HACL1: variants seen among roughly 807,000 people sequenced by gnomAD.
HACL1 encodes 2-hydroxyacyl-CoA lyase 1.
A neutral mutation model predicts 74.2 loss-of-function variants in HACL1; 64 were observed. The observed-to-expected ratio is 0.86, with a 90% CI of 0.70 to 1.06. HACL1 has a LOEUF of 1.06. Among genes scored for constraint, HACL1 ranks in the 50% least tolerant of loss-of-function variants. HACL1 has a pLI of 0.00. For missense variants in HACL1, 728 were observed against 719.7 expected, an observed-to-expected ratio of 1.01 and a Z score of -0.13; for synonymous variants, 230 against 238.8, an observed-to-expected ratio of 0.96 and a Z score of 0.34.
In HACL1 at chr3:15,587,903, T is replaced by G. The variant is rs773073728; in HGVS notation, c.382-1301A>C. On this transcript the variant is annotated intron_variant, in intron 5 of 16. Coordinates refer to ENST00000321169, the MANE Select transcript of HACL1 (RefSeq NM_012260.4). ...TTGTCTAATGATTTTATTTATGTAT[T>G]TATTTTTGAGATGGAGTTTCACTCT... Among the ~76,000 whole-genome samples, 31 of 152,334 alleles carry G rather than the reference T, an allele frequency of 2.0e-4. 1 individual carries two copies. The highest frequency in any genetic ancestry group is 1.2e-3 in the South Asian group (6 of 4,830).
At chr3:15,574,713 A>C (rs1440724826) in intron 10 of HACL1, among the ~76,000 whole-genome samples, 2 of 152,214 alleles carry the variant, frequency 1.3e-5, no homozygotes, top group Non-Finnish European at 2.9e-5. Context: ...TTGTGAATAA[A>C]AGACAAATTA....
chr3:15,584,912 A>G (rs1157190903), intron 7 of HACL1, among the ~76,000 whole-genome samples: 2 of 152,164 alleles, frequency 1.3e-5, no homozygotes, highest in Non-Finnish European at 2.9e-5. Flanking sequence ...CTTTTTAATA[A>G]TCACCCAACC....
chr3:15,598,409 T>C (rs9839032), intron 2 of HACL1, among the ~76,000 whole-genome samples: 73,047 of 152,022 alleles, frequency 0.48, 21,044 homozygotes, highest in African/African-American at 0.79. Context: ...ACTTAGAGAG[T>C]GGACTCTCGA....
intron 16 of HACL1, among the ~76,000 whole-genome samples, chr3:15,562,099 A>C (rs1402069809): frequency 6.6e-6 from 1 of 152,218 alleles, no homozygotes; most frequent in African/African-American, 2.4e-5. Context: ...GTATAAACCT[A>C]GTTATAAATC....
intron 12 of HACL1, among the ~76,000 whole-genome samples, chr3:15,569,717 T>C (rs2063492164): frequency 6.6e-6 from 1 of 151,262 alleles, no homozygotes; most frequent in Non-Finnish European, 1.5e-5. Flanking sequence ...CTACTCGGGA[T>C]GCTGAGGCAG....
In HACL1 at chr3:15,560,870, T is replaced by A; in HGVS notation, c.1732A>T (p.Met578Leu). ...CCACCAACTGGCGTCTTTATTTACATATTAGAGCGGGTCAGCCAATGAAAA... is the reference window on the plus strand; with the variant it reads ...CCACCAACTGGCGTCTTTATTTACAAATTAGAGCGGGTCAGCCAATGAAAA... ...QDFHWLTRSN[M>L] The change falls in exon 17 of 17, where the codon ATG becomes TTG. Residue 578 changes from methionine to leucine, a missense_variant. Met to Leu is a conservative substitution (Grantham distance 15). Coordinates refer to ENST00000321169, the MANE Select transcript of HACL1 (RefSeq NM_012260.4). 3 of 1,605,594 alleles carry A rather than the reference T, an allele frequency of 1.9e-6. No homozygotes were observed. Among genetic ancestry groups the A allele is most frequent in the Non-Finnish European group, 2.6e-6 (3 of 1,173,372 alleles).
intron 3 of HACL1, among the ~76,000 whole-genome samples, chr3:15,593,116 T>TAC (rs759760545): frequency 7.1e-6 from 1 of 140,798 alleles, no homozygotes; most frequent in African/African-American, 2.9e-5. Flanking sequence ...TGTGTATATA[T>TAC]ACACACACAT....
At chr3:15,592,060 ATATACGTATATACG>A (rs200016644) in intron 3 of HACL1, among the ~76,000 whole-genome samples, 7,037 of 29,044 alleles carry the variant, frequency 0.24, 464 homozygotes, top group East Asian at 0.32. Context: ...ATATACGTAT[ATATACGTATATACG>A]TATACGTATA....
chr3:15,583,031 G>T, intron 7 of HACL1, 42 bp from the exon 8 acceptor site: 1 of 913,070 alleles, frequency 1.1e-6, no homozygotes, highest in Non-Finnish European at 1.7e-6. Context: ...GGCCAACTAT[G>T]ATCTTTTTAT....
chr3:15,573,910 C>G lies in HACL1; in HGVS notation c.910-668G>C, dbSNP rs768019282. 2.3e-4 allele frequency among the ~76,000 whole-genome samples: 35 copies of G among 152,196 alleles called. 1 individual carries two copies. The highest frequency in any genetic ancestry group is 3.8e-4 in the Non-Finnish European group (26 of 68,038). On this transcript the variant is annotated intron_variant, in intron 10 of 16. Transcript: ENST00000321169. Reference sequence around the variant, plus strand: ...AAGGGGATGTATCTCATTCTATAATCAAGAGGGCAATCAAGAGGTATTGGC... The same window carrying G: ...AAGGGGATGTATCTCATTCTATAATGAAGAGGGCAATCAAGAGGTATTGGC...
chr3:15,570,411 A>G (rs2063506327), intron 12 of HACL1, among the ~76,000 whole-genome samples: 1 of 151,938 alleles, frequency 6.6e-6, no homozygotes, highest in African/African-American at 2.4e-5. Context: ...GTTTGATGCG[A>G]AAATGTGAAT....
chr3:15,589,671 A>G (rs1008556973), intron 4 of HACL1, 59 bp from the exon 5 acceptor site: 1 of 958,170 alleles, frequency 1.0e-6, no homozygotes, highest in African/African-American at 1.6e-5. Flanking sequence ...GTAAAACACT[A>G]AACACAGTGT....
intron 10 of HACL1, among the ~76,000 whole-genome samples, chr3:15,573,551 T>A (rs990184741): frequency 2.9e-4 from 44 of 152,224 alleles, no homozygotes; most frequent in Non-Finnish European, 1.5e-5. Flanking sequence ...CAGTAAGTTC[T>A]ATTGAATTAC....
chr3:15,590,525 A>T (rs1203834220), intron 4 of HACL1, among the ~76,000 whole-genome samples: 1 of 152,178 alleles, frequency 6.6e-6, no homozygotes, highest in Non-Finnish European at 1.5e-5. Context: ...ACCCCCCTCA[A>T]CCTGATCTCA....
chr3:15,584,289 G>A (rs1205594256), intron 7 of HACL1, among the ~76,000 whole-genome samples: 1 of 151,954 alleles, frequency 6.6e-6, no homozygotes, highest in Non-Finnish European at 1.5e-5. Flanking sequence ...CTGACTCTCC[G>A]AAATAAAAAA....
chr3:15,573,462 C>T (rs1034843583), intron 10 of HACL1, among the ~76,000 whole-genome samples: 4 of 152,222 alleles, frequency 2.6e-5, no homozygotes, highest in Non-Finnish European at 4.4e-5. Flanking sequence ...TAAAAATCTA[C>T]TCTATGGAAT....
chr3:15,576,387 T>C (rs1477233983), intron 9 of HACL1, among the ~76,000 whole-genome samples: 1 of 152,092 alleles, frequency 6.6e-6, no homozygotes, highest in Non-Finnish European at 1.5e-5. Flanking sequence ...TTGATTCATA[T>C]TCCAGAATTG....
At chr3:15,596,508 CA>C in intron 2 of HACL1, 84 bp from the exon 3 acceptor site, 1 of 798,032 alleles carries the variant, frequency 1.3e-6, no homozygotes, top group South Asian at 1.5e-5. Flanking sequence ...AAATAATAGA[CA>C]AGAACATAGT....
chr3:15,568,631 T>C, intron 12 of HACL1, 45 bp from the exon 13 acceptor site: 2 of 1,065,858 alleles, frequency 1.9e-6, no homozygotes, highest in Non-Finnish European at 2.8e-6. Context: ...TGGGATACAA[T>C]GAAAATAACC....
Sources: gnomAD v4.1 joint callset for allele counts (sites outside exome capture counted in the v4.1 genomes callset) on GRCh38, gnomAD v4.1.1 for gene constraint, MANE v1.5 for transcripts, NCBI Gene and HGNC (gene_info 2026-07-23, HGNC 2026-07-21) for gene names.